IDO2: variants seen among roughly 807,000 people sequenced by gnomAD.
The protein encoded by IDO2 is indoleamine 2,3-dioxygenase-like 1 protein.
In IDO2, 46 loss-of-function variants were observed where a neutral mutation model predicts 45.1. The observed-to-expected ratio is 1.02, with a 90% CI of 0.80 to 1.30. IDO2 has a LOEUF of 1.30. IDO2 is among the 50% of genes most tolerant of loss of function. The probability of loss-of-function intolerance (pLI) is 0.00; values close to 1 mark genes in which losing one functional copy is unlikely to be tolerated. For missense variants in IDO2, 544 were observed against 491.8 expected, an observed-to-expected ratio of 1.11 and a Z score of -1.00; for synonymous variants, 218 against 184.9, an observed-to-expected ratio of 1.18 and a Z score of -1.45.
At chr8:39,992,815 A>G (rs1027834756) in intron 8 of IDO2, among the ~76,000 whole-genome samples, 1 of 152,152 alleles carries the variant, frequency 6.6e-6, no homozygotes, top group Non-Finnish European at 1.5e-5. Flanking sequence ...CCCTTCATCC[A>G]TAAATACTTC....
At chr8:39,955,720 G>A (rs925511323) in intron 2 of IDO2, among the ~76,000 whole-genome samples, 1 of 152,050 alleles carries the variant, frequency 6.6e-6, no homozygotes, top group African/African-American at 2.4e-5. Context: ...CCAATGTCAG[G>A]TCCCACCCTC....
intron 8 of IDO2, 131 bp downstream of exon 8, chr8:39,989,969 A>G (rs769565215): frequency 6.0e-5 from 36 of 596,690 alleles, no homozygotes; most frequent in Non-Finnish European, 8.9e-5. Context: ...ACGCTGGTGG[A>G]CTATCTTTGT....
At chr8:39,961,995 G>GT (rs763522557) in intron 2 of IDO2, among the ~76,000 whole-genome samples, 1 of 152,174 alleles carries the variant, frequency 6.6e-6, no homozygotes, top group Non-Finnish European at 1.5e-5. Flanking sequence ...TTACCATATG[G>GT]TTTATGTTGC....
chr8:39,973,670 T>C (rs59217819), intron 3 of IDO2, among the ~76,000 whole-genome samples: 10,574 of 152,182 alleles, frequency 0.069, 412 homozygotes, highest in Middle Eastern at 0.14. Context: ...ATATTTCTTT[T>C]TAACAAAACT....
intron 1 of IDO2, among the ~76,000 whole-genome samples, chr8:39,940,321 T>C (rs1009545674): frequency 4.6e-5 from 7 of 152,208 alleles, no homozygotes; most frequent in African/African-American, 1.7e-4. Context: ...AAATATTTAT[T>C]GAATACCAAA....
intron 8 of IDO2, among the ~76,000 whole-genome samples, chr8:40,003,953 A>AT (rs1054480968): frequency 7.3e-5 from 11 of 151,482 alleles, no homozygotes; most frequent in Admixed American, 2.6e-4. Flanking sequence ...TCATGAGTGG[A>AT]TTTTTTTACA....
At chr8:39,993,216 T>G (rs1362482580) in intron 8 of IDO2, among the ~76,000 whole-genome samples, 2 of 152,132 alleles carry the variant, frequency 1.3e-5, no homozygotes, top group Admixed American at 1.3e-4. Flanking sequence ...TTGAGATTAT[T>G]AAGACATGTG....
At chr8:39,973,573 A>G (rs1000623718) in intron 3 of IDO2, among the ~76,000 whole-genome samples, 6 of 152,062 alleles carry the variant, frequency 3.9e-5, no homozygotes, top group Non-Finnish European at 8.8e-5. Flanking sequence ...TAATTTATAA[A>G]ATATTATAAT....
intron 1 of IDO2, among the ~76,000 whole-genome samples, chr8:39,948,743 T>G (rs1347136163): frequency 1.3e-5 from 2 of 152,208 alleles, no homozygotes; most frequent in African/African-American, 2.4e-5. Context: ...GTTTACTCCA[T>G]TTGGCTGGAG....
chr8:39,944,669 C>T (rs1057303418), intron 1 of IDO2, among the ~76,000 whole-genome samples: 1 of 152,122 alleles, frequency 6.6e-6, no homozygotes, highest in African/African-American at 2.4e-5. Flanking sequence ...TCTTAAAGCC[C>T]CTGCACCTGG....
At chr8:40,010,421 A>G (rs1802293695) in intron 9 of IDO2, among the ~76,000 whole-genome samples, 1 of 152,168 alleles carries the variant, frequency 6.6e-6, no homozygotes, top group Non-Finnish European at 1.5e-5. Flanking sequence ...TTCTTTTCTG[A>G]GTGAGATGGA....
At chr8:39,945,424 G>T (rs1459932501) in intron 1 of IDO2, among the ~76,000 whole-genome samples, 1 of 152,200 alleles carries the variant, frequency 6.6e-6, no homozygotes, top group Non-Finnish European at 1.5e-5. Flanking sequence ...AAAAGTGAAG[G>T]AGAGGACAGG....
At chr8:39,939,978 C>A (rs1422115653) in intron 1 of IDO2, among the ~76,000 whole-genome samples, 1 of 152,130 alleles carries the variant, frequency 6.6e-6, no homozygotes, top group Non-Finnish European at 1.5e-5. Context: ...CCTAATACCC[C>A]GACTGATAGA....
At chr8:39,988,030 T>G (rs1808450347) in intron 7 of IDO2, 60 bp downstream of exon 7, 1 of 932,438 alleles carries the variant, frequency 1.1e-6, no homozygotes, top group Admixed American at 2.1e-5. Context: ...TACTTCCCAC[T>G]CAGTGCCTTT....
At chr8:39,997,356 AC>A (rs1802061709) in intron 8 of IDO2, among the ~76,000 whole-genome samples, 1 of 151,126 alleles carries the variant, frequency 6.6e-6, no homozygotes, top group Non-Finnish European at 1.5e-5. Context: ...AATATTTTAT[AC>A]TTTTAAAATC....
chr8:40,015,729 A>G, exon 11 of IDO2: 1 of 693,606 alleles, frequency 1.4e-6, no homozygotes, highest in Non-Finnish European at 2.5e-6. Flanking sequence ...TCTGCTCTAC[A>G]GAGCACTATA....
chr8:39,998,958 T>C (rs1052329657), intron 8 of IDO2, among the ~76,000 whole-genome samples: 7 of 152,200 alleles, frequency 4.6e-5, no homozygotes, highest in Non-Finnish European at 1.0e-4. Flanking sequence ...TTAATGCTTC[T>C]AAAGTTTGCC....
At chr8:39,996,690 C>A (rs1239980725) in intron 8 of IDO2, among the ~76,000 whole-genome samples, 1 of 152,136 alleles carries the variant, frequency 6.6e-6, no homozygotes, top group Non-Finnish European at 1.5e-5. Flanking sequence ...CTGGGAATTA[C>A]AGGCATGAGC....
chr8:39,949,298 A>G (rs1411497272), intron 2 of IDO2, 34 bp downstream of exon 2: 3 of 1,492,148 alleles, frequency 2.0e-6, no homozygotes, highest in East Asian at 2.4e-5. Flanking sequence ...ATAGGTCAGA[A>G]TATGTTTCTT....
Sources: gnomAD v4.1 joint callset for allele counts (sites outside exome capture counted in the v4.1 genomes callset) on GRCh38, gnomAD v4.1.1 for gene constraint, MANE v1.5 for transcripts, NCBI Gene and HGNC (gene_info 2026-07-23, HGNC 2026-07-21) for gene names.